MIDEAS: variants seen among roughly 807,000 people sequenced by gnomAD.
MIDEAS encodes the protein mitotic deacetylase associated SANT domain protein.
Under a neutral mutation model 102.7 loss-of-function variants are expected in MIDEAS, and 26 were observed. The ratio of observed to expected loss-of-function variants is 0.25; its 90% CI spans 0.19 to 0.35. The LOEUF is 0.35. MIDEAS is among the 10% of genes least tolerant of loss of function. MIDEAS has a pLI of 1.00. For synonymous variants in MIDEAS, 585 were observed against 591.0 expected, an observed-to-expected ratio of 0.99 and a Z score of 0.15; for missense variants, 1,231 against 1,435.6, an observed-to-expected ratio of 0.86 and a Z score of 2.30.
chr14:73,732,192 G>C (rs75829193), intron 3 of MIDEAS, among the ~76,000 whole-genome samples: 1 of 148,308 alleles, frequency 6.7e-6, no homozygotes, highest in Non-Finnish European at 1.5e-5. Context: ...AGAACCCAGA[G>C]AGCAGAGACT....
chr14:73,729,813 G>T lies in MIDEAS; in HGVS notation c.1922C>A (p.Ala641Asp). The T allele has an allele frequency of 1.2e-6, 2 of 1,613,800 alleles. No homozygotes were observed. Among genetic ancestry groups the T allele is most frequent in the Non-Finnish European group, 1.7e-6 (2 of 1,179,978 alleles). The change falls in exon 4 of 13, where the codon GCT becomes GAT. Residue 641 changes from alanine (A) to aspartate (D), a missense_variant. Ala to Asp is a moderately radical substitution (Grantham distance 126). Transcript: ENST00000423556. ...AAAGCTCCGCTCAGAGGGGTGGTCAGCTAGGCGCACGGGAGAGCGCAGGTG... is the reference window on the plus strand; with the variant it reads ...AAAGCTCCGCTCAGAGGGGTGGTCATCTAGGCGCACGGGAGAGCGCAGGTG... ...QSHLRSPVRL[A>D]DHPSERSFEL...
At chr14:73,741,269 G>A (rs965368482) in intron 1 of MIDEAS, among the ~76,000 whole-genome samples, 3 of 152,150 alleles carry the variant, frequency 2.0e-5, no homozygotes, top group Admixed American at 6.5e-5. Flanking sequence ...TAAAGCAGTC[G>A]CTACAGAACA....
At position 73,717,261 on chromosome 14, in the gene MIDEAS, C is replaced by CT. The variant is rs2052906086; in HGVS notation, c.*1581dup. ...TCATACGCGCATTCACTTAGAATTT[C>CT]TTTTGCACAACTAAAGTTGAATAAG... On this transcript the variant is annotated 3_prime_UTR_variant, in exon 13 of 13. Transcript: ENST00000423556. 6.6e-6 allele frequency: 1 copy of CT among 152,238 alleles called. No homozygotes were observed. Among genetic ancestry groups the CT allele is most frequent in the South Asian group, 2.1e-4 (1 of 4,836 alleles). The allele number at this position is 152,238 out of a possible 1,614,324, so 9.4% of individuals were successfully genotyped here. A position where few individuals can be genotyped will look rare whatever the true frequency, so the allele number is the denominator to read the frequency against.
intron 1 of MIDEAS, among the ~76,000 whole-genome samples, chr14:73,770,362 C>T (rs201721203): frequency 2.6e-5 from 4 of 151,344 alleles, no homozygotes; most frequent in East Asian, 2.0e-4. Flanking sequence ...ATGATGATGA[C>T]GATGATGATG....
At chr14:73,772,793 T>TTGTG (rs2053652957) in intron 1 of MIDEAS, among the ~76,000 whole-genome samples, 2 of 75,468 alleles carry the variant, frequency 2.7e-5, no homozygotes, top group South Asian at 4.5e-4. Context: ...CTTCAAGTTC[T>TTGTG]AGTGTGTGTG....
rs553677757 is a variant in MIDEAS, at chr14:73,783,533, C to T, written c.-248+3569G>A. ...AGAAGTTTGATCCTTACCATGCAGA[C>T]AGTGGGGAGCCATTGAAGGTTGCTG... is the stretch of plus-strand genomic sequence containing the variant. On this transcript the variant is annotated intron_variant, in intron 1 of 11. Coordinates refer to the MIDEAS transcript ENST00000394071. Among the ~76,000 whole-genome samples the T allele has an allele frequency of 1.0e-3, 152 of 152,268 alleles. 1 individual carries two copies. The highest frequency in any genetic ancestry group is 3.4e-3 in the African/African-American group (141 of 41,548).
At chr14:73,758,651 G>C (rs2053516079) in intron 1 of MIDEAS, 1 of 154,386 alleles carries the variant, frequency 6.5e-6, no homozygotes, top group African/African-American at 2.4e-5. Flanking sequence ...TCCCACGTGG[G>C]ATGGTGGAAA....
intron 1 of MIDEAS, among the ~76,000 whole-genome samples, chr14:73,751,799 C>G (rs1266310638): frequency 6.6e-6 from 1 of 152,172 alleles, no homozygotes; most frequent in Non-Finnish European, 1.5e-5. Flanking sequence ...ACTCGGGAGG[C>G]TGAGGCAGAA....
At chr14:73,782,661 T>C (rs2053767695) in intron 1 of MIDEAS, among the ~76,000 whole-genome samples, 1 of 152,190 alleles carries the variant, frequency 6.6e-6, no homozygotes, top group Non-Finnish European at 1.5e-5. Flanking sequence ...AAGTTGGTCC[T>C]ACCTCCTTCT....
chr14:73,755,756 C>T (rs576956530), intron 1 of MIDEAS, among the ~76,000 whole-genome samples: 2 of 152,326 alleles, frequency 1.3e-5, no homozygotes, highest in African/African-American at 4.8e-5. Context: ...CAATAAACTT[C>T]ATTTATACAA....
At chr14:73,736,494 G>A (rs557556257) in intron 3 of MIDEAS, among the ~76,000 whole-genome samples, 4 of 152,096 alleles carry the variant, frequency 2.6e-5, no homozygotes, top group Non-Finnish European at 4.4e-5. Context: ...AGCTGGGCGC[G>A]GTGGTGGGCG....
chr14:73,719,057 C>T (rs1441353359), intron 12 of MIDEAS, 49 bp from the exon 13 acceptor site: 2 of 1,448,150 alleles, frequency 1.4e-6, no homozygotes, highest in Non-Finnish European at 1.8e-6. Context: ...CACCCGGGGG[C>T]CCCCAGCGCG....
In MIDEAS at chr14:73,719,479, C is replaced by T. The variant is rs554502058; in HGVS notation, c.2960G>A (p.Arg987Gln). The T allele has an allele frequency of 4.3e-6, 7 of 1,613,750 alleles. No homozygotes were observed. In the East Asian group the frequency reaches 6.7e-5, roughly 15 times the overall value. The change falls in exon 12 of 13, where the codon CGG (arginine) becomes CAG (glutamine). Residue 987 changes from arginine (R) to glutamine (Q), a missense_variant. Coordinates refer to ENST00000423556, the MANE Select transcript of MIDEAS (RefSeq NM_001367710.1). ...CCCAGGGGCGTTGGACTCGTGGCTC[C>T]GGAGGATGAGGATGTCACTGGCCTG... ...NESASDILIL[R>Q]SHESNAPGSA...
intron 2 of MIDEAS, 67 bp downstream of exon 2, chr14:73,738,493 C>T: frequency 7.2e-7 from 1 of 1,394,198 alleles, no homozygotes. Context: ...GAAGCAAATC[C>T]TGCAGCCGCC....
Position 73,735,679 on chromosome 14 carries a change from A to G in MIDEAS, c.1749+1319T>C, listed in dbSNP as rs961390686. ...CACCCTGCAGATTCTAACCAAAAGC[A>G]AGCAAGATATCAGACAAACCTGACT... On this transcript the variant is annotated intron_variant, in intron 3 of 12. Transcript: ENST00000423556. 2.0e-5 allele frequency among the ~76,000 whole-genome samples: 3 copies of G among 152,250 alleles called. No individual in the cohort carries two copies. In the South Asian group the frequency reaches 6.2e-4, roughly 31 times the overall value.
Position 73,737,189 on chromosome 14 carries a change from T to C in MIDEAS, c.1558A>G (p.Ser520Gly), listed in dbSNP as rs775636542. The C allele has an allele frequency of 1.2e-6, 2 of 1,614,164 alleles. No individual in the cohort carries two copies. Among genetic ancestry groups the C allele is most frequent in the Non-Finnish European group, 8.5e-7 (1 of 1,180,026 alleles). Residue 520 changes from serine to glycine, a missense_variant, in exon 3 of 13, where the codon AGT becomes GGT. Ser to Gly is a moderately conservative substitution (Grantham distance 56). Coordinates refer to ENST00000423556, the MANE Select transcript of MIDEAS (RefSeq NM_001367710.1). ...GGGATGATGAGGGGTACCATCCCAC[T>C]GTCTTCTCGTGCTCGCTTGGTGGCT... is the stretch of plus-strand genomic sequence containing the variant. The part of the protein sequence containing the change: ...SLATKRARED[S>G]GMVPLIIPVS...
At chr14:73,745,278 C>A (rs1185817320) in intron 1 of MIDEAS, among the ~76,000 whole-genome samples, 1 of 152,242 alleles carries the variant, frequency 6.6e-6, no homozygotes, top group Non-Finnish European at 1.5e-5. Context: ...CACAAGCCAC[C>A]TGCCCTTGAC....
chr14:73,731,969 C>T (rs928020567), intron 3 of MIDEAS, among the ~76,000 whole-genome samples: 20 of 152,220 alleles, frequency 1.3e-4, no homozygotes, highest in African/African-American at 4.8e-4. Flanking sequence ...CAAGTACTCA[C>T]AGGCAGGGAT....
intron 5 of MIDEAS, 164 bp downstream of exon 5, chr14:73,727,294 G>A (rs1356072916): frequency 2.0e-5 from 15 of 738,784 alleles, no homozygotes; most frequent in African/African-American, 3.5e-5. Context: ...CACAGAGGCA[G>A]GGCGGGGACA....
Sources: gnomAD v4.1 joint callset for allele counts (sites outside exome capture counted in the v4.1 genomes callset) on GRCh38, gnomAD v4.1.1 for gene constraint, MANE v1.5 for transcripts, NCBI Gene and HGNC (gene_info 2026-07-23, HGNC 2026-07-21) for gene names.